DAGLB: variants seen among roughly 807,000 people sequenced by gnomAD.
DAGLB encodes diacylglycerol lipase-beta.
DAGLB carries 66 observed loss-of-function variants against 72.1 expected under a neutral mutation model. The ratio of observed to expected loss-of-function variants is 0.92; its 90% CI spans 0.75 to 1.12. The LOEUF is 1.12. DAGLB is among the 50% of genes most tolerant of loss of function. DAGLB has a pLI of 0.00. For missense variants in DAGLB, 1,065 were observed against 884.9 expected (o/e 1.20, Z -2.58); for synonymous variants, 414 against 359.5 (o/e 1.15, Z -1.71).
At chr7:6,443,189 G>GAA (rs1158817173) in intron 2 of DAGLB, among the ~76,000 whole-genome samples, 1 of 80,132 alleles carries the variant, frequency 1.2e-5, no homozygotes, top group African/African-American at 4.7e-5. Flanking sequence ...ACTCCATCCG[G>GAA]AAAAAAAAAA....
intron 9 of DAGLB, among the ~76,000 whole-genome samples, chr7:6,419,314 A>G (rs1784031511): frequency 2.0e-5 from 3 of 152,024 alleles, no homozygotes; most frequent in African/African-American, 7.2e-5. Context: ...ACTTCTTAAC[A>G]AATTACCAGA....
At chr7:6,419,961 A>T (rs1211681295) in intron 9 of DAGLB, among the ~76,000 whole-genome samples, 4 of 152,112 alleles carry the variant, frequency 2.6e-5, no homozygotes, top group African/African-American at 9.7e-5. Context: ...TGGGCAACAC[A>T]GAGAGACCCC....
chr7:6,409,659 A>T lies in DAGLB; in HGVS notation c.*178T>A. The T allele has an allele frequency of 2.7e-6, 2 of 752,774 alleles. No individual in the cohort carries two copies. Among genetic ancestry groups the T allele is most frequent in the East Asian group, 2.7e-5 (1 of 36,622 alleles). The allele number at this position is 752,774 out of a possible 1,614,324, so 46.6% of individuals were successfully genotyped here. A position where few individuals can be genotyped will look rare whatever the true frequency, so the allele number is the denominator to read the frequency against. Reference sequence around the variant, plus strand: ...CGTGCTCACTACTTCTGCTACCATTATGGCCACAATGACTTCCCATAAACT... The same window carrying T: ...CGTGCTCACTACTTCTGCTACCATTTTGGCCACAATGACTTCCCATAAACT... On this transcript the variant is annotated 3_prime_UTR_variant, in exon 15 of 15. Coordinates refer to ENST00000297056, the MANE Select transcript of DAGLB (RefSeq NM_139179.4).
intron 4 of DAGLB, among the ~76,000 whole-genome samples, chr7:6,433,985 G>C (rs556980467): frequency 1.3e-5 from 2 of 152,210 alleles, no homozygotes; most frequent in South Asian, 4.1e-4. Flanking sequence ...CTTAAGACTA[G>C]GTTTAAGCAC....
Position 6,434,896 on chromosome 7 carries a change from G to A in DAGLB, c.544C>T (p.Leu182Phe), listed in dbSNP as rs1442241278. Residue 182 changes from leucine to phenylalanine, a missense_variant, in exon 4 of 15, where the codon CTT becomes TTT. Transcript: ENST00000297056. ...HLDSHDSSQL[L>F]NGLKTAATSV... Reference sequence around the variant, plus strand: ...GTAGCTGCTGTCTTGAGGCCATTAAGTAACTGGCTTGAATCATGACTATCC... The same window carrying A: ...GTAGCTGCTGTCTTGAGGCCATTAAATAACTGGCTTGAATCATGACTATCC... 1.9e-6 allele frequency: 3 copies of A among 1,614,096 alleles called. No individual in the cohort carries two copies. The highest frequency in any genetic ancestry group is 2.5e-6 in the Non-Finnish European group (3 of 1,180,050).
intron 1 of DAGLB, among the ~76,000 whole-genome samples, chr7:6,447,455 G>C (rs1000774489): frequency 1.3e-5 from 2 of 152,190 alleles, no homozygotes; most frequent in African/African-American, 4.8e-5. Flanking sequence ...GCCAGGTCTC[G>C]GCGCTGCACA....
At chr7:6,441,340 C>T (rs1326068317) in intron 2 of DAGLB, among the ~76,000 whole-genome samples, 1 of 150,544 alleles carries the variant, frequency 6.6e-6, no homozygotes, top group Non-Finnish European at 1.5e-5. Context: ...ATTCGCCCGC[C>T]TCGGCCTCCC....
intron 2 of DAGLB, among the ~76,000 whole-genome samples, chr7:6,441,071 G>A (rs967067022): frequency 8.0e-5 from 12 of 149,412 alleles, no homozygotes; most frequent in East Asian, 2.0e-4. Flanking sequence ...GGCATATGAC[G>A]TTATGTGTAA....
chr7:6,446,737 G>A (rs540191629), intron 1 of DAGLB, among the ~76,000 whole-genome samples: 2 of 151,782 alleles, frequency 1.3e-5, no homozygotes, highest in Non-Finnish European at 2.9e-5. Context: ...GGCCCGGCAC[G>A]GCGGCTCACG....
intron 2 of DAGLB, among the ~76,000 whole-genome samples, chr7:6,441,869 G>A (rs1784844293): frequency 6.6e-6 from 1 of 152,082 alleles, no homozygotes; most frequent in Non-Finnish European, 1.5e-5. Context: ...TGAAAAGCAG[G>A]AAGGGCCACA....
chr7:6,435,625 C>T (rs1324331315), intron 3 of DAGLB: 2 of 155,356 alleles, frequency 1.3e-5, no homozygotes, highest in African/African-American at 4.8e-5. Context: ...CACTTCTTCT[C>T]CATATGGCCC....
Position 6,425,970 on chromosome 7 carries a change from T to C in DAGLB, c.1056+18A>G, listed in dbSNP as rs201366018. 133 of 1,613,194 alleles carry C rather than the reference T, an allele frequency of 8.2e-5. No individual in the cohort carries two copies. The highest frequency in any genetic ancestry group is 1.1e-4 in the Non-Finnish European group (126 of 1,179,480). ...GGACCCAAAAGAAGTGAAGAGCCGCTGTCTGCAGCGTCCACACCTTGTCAT... is the reference window on the plus strand; with the variant it reads ...GGACCCAAAAGAAGTGAAGAGCCGCCGTCTGCAGCGTCCACACCTTGTCAT... On this transcript the variant is annotated intron_variant, in intron 7 of 14. Transcript: ENST00000297056.
intron 3 of DAGLB, chr7:6,435,345 G>C: frequency 3.9e-6 from 1 of 257,478 alleles, no homozygotes; most frequent in Non-Finnish European, 7.8e-6. Flanking sequence ...AATTAGCTGG[G>C]TGTGGTGGCA....
chr7:6,428,785 T>C (rs1159549736), intron 6 of DAGLB, among the ~76,000 whole-genome samples: 2 of 151,748 alleles, frequency 1.3e-5, no homozygotes, highest in East Asian at 3.9e-4. Flanking sequence ...CTGCACCTGG[T>C]GGGATATAGA....
rs988339162 is a variant in DAGLB, at chr7:6,417,208, G to A, written c.1219-287C>T. ...CCAGGAGTTCAAGACCAGCCTGGGC[G>A]ACATAGTCTCTACTAAAATAAAAAT... is the stretch of plus-strand genomic sequence containing the variant. On this transcript the variant is annotated intron_variant, in intron 9 of 14. Transcript: ENST00000297056. The A allele has an allele frequency of 2.8e-5, 9 of 320,006 alleles. 1 individual carries two copies. Among genetic ancestry groups the A allele is most frequent in the South Asian group, 2.3e-4 (6 of 26,266 alleles). The allele number at this position is 320,006 out of a possible 1,614,324, so 19.8% of individuals were successfully genotyped here. A position where few individuals can be genotyped will look rare whatever the true frequency, so the allele number is the denominator to read the frequency against.
At position 6,432,006 on chromosome 7, in the gene DAGLB, C is replaced by T. The variant is rs191688535; in HGVS notation, c.801+831G>A. 3.6e-3 allele frequency among the ~76,000 whole-genome samples: 551 copies of T among 152,104 alleles called. 5 individuals carry two copies. Among genetic ancestry groups the T allele is most frequent in the African/African-American group, 8.5e-3 (353 of 41,486 alleles). On this transcript the variant is annotated intron_variant, in intron 5 of 14. Coordinates refer to ENST00000297056, the MANE Select transcript of DAGLB (RefSeq NM_139179.4). ...ACAAACCTTCGTGACATGAGTTTACCGGTGTAACAACCCTGCTCATGTACC... is the reference window on the plus strand; with the variant it reads ...ACAAACCTTCGTGACATGAGTTTACTGGTGTAACAACCCTGCTCATGTACC...
intron 11 of DAGLB, among the ~76,000 whole-genome samples, chr7:6,413,712 C>A (rs1050388231): frequency 6.6e-6 from 1 of 152,168 alleles, no homozygotes; most frequent in Non-Finnish European, 1.5e-5. Context: ...AGAACCTGCA[C>A]CGGCAGAGGC....
chr7:6,433,137 G>A (rs756177283), intron 4 of DAGLB, among the ~76,000 whole-genome samples, 178 bp from the exon 5 acceptor site: 1 of 152,208 alleles, frequency 6.6e-6, no homozygotes, highest in African/African-American at 2.4e-5. Flanking sequence ...ACCTGAATAT[G>A]TTTTCACATC....
At chr7:6,421,990 T>C (rs1040593237) in intron 8 of DAGLB, 186 bp from the exon 9 acceptor site, 2 of 697,568 alleles carry the variant, frequency 2.9e-6, no homozygotes, top group African/African-American at 3.5e-5. Context: ...AGGGCCCTGA[T>C]GGCACGACCA....
Sources: allele counts gnomAD v4.1 joint callset (sites outside exome capture counted in the v4.1 genomes callset), GRCh38; gene constraint gnomAD v4.1.1; transcripts MANE v1.5; gene names NCBI Gene and HGNC (gene_info 2026-07-23, HGNC 2026-07-21).